Variants in PRRT1B observed in about 807,000 individuals in gnomAD.
PRRT1B encodes dispanin subfamily D member 2.
intron 1 of PRRT1B, among the ~76,000 whole-genome samples, chr9:131,546,596 G>C (rs999357179): frequency 2.0e-5 from 3 of 151,970 alleles, no homozygotes; most frequent in African/African-American, 4.8e-5. Context: ...GCAGCTCCGG[G>C]AGATGCTGGA....
At chr9:131,553,959 C>T (rs912047580) in intron 1 of PRRT1B, among the ~76,000 whole-genome samples, 2 of 152,206 alleles carry the variant, frequency 1.3e-5, no homozygotes, top group Admixed American at 1.3e-4. Flanking sequence ...GGCAGCTGGG[C>T]AGCTTTGAGG....
intron 1 of PRRT1B, among the ~76,000 whole-genome samples, chr9:131,553,768 G>C (rs1162892963): frequency 6.6e-6 from 1 of 152,228 alleles, no homozygotes; most frequent in Non-Finnish European, 1.5e-5. Context: ...ACGCAGGTCA[G>C]GGGAGGCCAC....
exon 4 of PRRT1B, chr9:131,558,436 G>A (rs182477812): frequency 5.1e-5 from 19 of 371,944 alleles, no homozygotes; most frequent in African/African-American, 3.3e-4. Context: ...CTAATCCAAG[G>A]TGTCTCCAGA....
chr9:131,559,474 G>GGGGA (rs1163121246), downstream of PRRT1B, among the ~76,000 whole-genome samples: 1 of 152,166 alleles, frequency 6.6e-6, no homozygotes, highest in East Asian at 1.9e-4. Flanking sequence ...AGAGGAGGAA[G>GGGGA]GGGACCCCCA....
At chr9:131,556,183 C>T (rs775887730) in exon 3 of PRRT1B, 9 of 400,996 alleles carry the variant, frequency 2.2e-5, no homozygotes, top group South Asian at 1.3e-4. Flanking sequence ...GTCTGCTCAC[C>T]GGTCTCATCG....
At position 131,554,589 on chromosome 9, in the gene PRRT1B, AC is replaced by A; in HGVS notation, c.63del (p.Glu22ArgfsTer169). On this transcript the variant is annotated frameshift_variant, in exon 2 of 4. Transcript: ENST00000636672. LOFTEE classifies it high-confidence loss of function. ...CACGAAAGGGGGCGGCAGCCCCGCC[AC>A]CCCCGAGGACCCCCGGAGCCCCGCG... is the stretch of plus-strand genomic sequence containing the variant. 2.6e-6 allele frequency: 1 copy of A among 391,946 alleles called. No individual in the cohort carries two copies. The highest frequency in any genetic ancestry group is 4.5e-6 in the Non-Finnish European group (1 of 222,406). The allele number at this position is 391,946 out of a possible 1,614,324, so 24.3% of individuals were successfully genotyped here.
chr9:131,559,718 A>G (rs1264289665), downstream of PRRT1B, among the ~76,000 whole-genome samples: 1 of 152,182 alleles, frequency 6.6e-6, no homozygotes, highest in Non-Finnish European at 1.5e-5. Context: ...ATTTCTAATA[A>G]GCTTCCCAGT....
intron 1 of PRRT1B, among the ~76,000 whole-genome samples, chr9:131,550,646 G>A (rs1466192157): frequency 2.0e-5 from 3 of 152,116 alleles, no homozygotes; most frequent in Admixed American, 6.6e-5. Context: ...TGCAAGAGTC[G>A]GGACTGCGCC....
intron 1 of PRRT1B, among the ~76,000 whole-genome samples, chr9:131,549,301 G>T (rs747949307): frequency 1.3e-5 from 2 of 152,196 alleles, no homozygotes; most frequent in Non-Finnish European, 2.9e-5. Flanking sequence ...AACTTCAAAC[G>T]CCTGAACCGC....
At chr9:131,545,938 C>A (rs1014259122) in intron 1 of PRRT1B, among the ~76,000 whole-genome samples, 11 of 151,818 alleles carry the variant, frequency 7.2e-5, no homozygotes, top group Admixed American at 7.2e-4. Flanking sequence ...GGCTGTGGTG[C>A]CCCGGAGGCC....
intron 3 of PRRT1B, 119 bp downstream of exon 3, chr9:131,556,332 G>C: frequency 2.5e-6 from 1 of 397,544 alleles, no homozygotes; most frequent in Non-Finnish European, 4.4e-6. Context: ...CCTCTGGAGG[G>C]GGGTGGGAAT....
At chr9:131,550,912 T>C (rs1951006577) in intron 1 of PRRT1B, among the ~76,000 whole-genome samples, 1 of 150,944 alleles carries the variant, frequency 6.6e-6, no homozygotes, top group South Asian at 2.1e-4. Context: ...GTGTCTTCCG[T>C]TTAGTTTTTC....
intron 1 of PRRT1B, among the ~76,000 whole-genome samples, chr9:131,553,841 G>C (rs1342991009): frequency 2.0e-5 from 3 of 152,192 alleles, no homozygotes; most frequent in African/African-American, 7.2e-5. Flanking sequence ...TGCTCAGCTG[G>C]TCGGGATGCT....
intron 1 of PRRT1B, among the ~76,000 whole-genome samples, chr9:131,553,238 G>T (rs1224016478): frequency 7.2e-5 from 11 of 152,130 alleles, no homozygotes; most frequent in African/African-American, 2.7e-4. Flanking sequence ...TCTCTGGGAC[G>T]CTTTCTCATC....
chr9:131,556,199 G>A (rs1479666317), exon 3 of PRRT1B: 5 of 400,938 alleles, frequency 1.2e-5, no homozygotes, highest in East Asian at 1.1e-4. Flanking sequence ...CATCGCCATC[G>A]TCTACTCCCA....
chr9:131,550,111 G>A (rs532258679), intron 1 of PRRT1B, among the ~76,000 whole-genome samples: 6 of 152,130 alleles, frequency 3.9e-5, no homozygotes, highest in Non-Finnish European at 8.8e-5. Context: ...TCACTCGCCT[G>A]CTACAGCATG....
chr9:131,557,363 AC>A lies in PRRT1B; in HGVS notation c.643-686del, dbSNP rs1951057268. On this transcript the variant is annotated intron_variant, in intron 3 of 3. Coordinates refer to ENST00000636672, the Ensembl canonical transcript of PRRT1B. The stretch of plus-strand genomic sequence containing the variant: ...AGATCAGCCTGACCAATATGGTGAA[AC>A]CCCGTCTCTACTAAAAATACAAAAA... 1.3e-5 allele frequency among the ~76,000 whole-genome samples: 2 copies of A among 151,986 alleles called. 1 individual carries two copies. The highest frequency in any genetic ancestry group is 4.2e-4 in the South Asian group (2 of 4,818).
At chr9:131,548,427 C>T (rs1950989387) in intron 1 of PRRT1B, among the ~76,000 whole-genome samples, 3 of 152,196 alleles carry the variant, frequency 2.0e-5, no homozygotes, top group Non-Finnish European at 4.4e-5. Flanking sequence ...TGCAACACCG[C>T]TTGACCCCAA....
At chr9:131,554,250 C>A (rs939801040) in intron 1 of PRRT1B, among the ~76,000 whole-genome samples, 2 of 150,894 alleles carry the variant, frequency 1.3e-5, no homozygotes, top group South Asian at 4.2e-4. Flanking sequence ...TTAGCTTTGA[C>A]ATAAAGGCCT....
Sources: allele counts gnomAD v4.1 joint callset (sites outside exome capture counted in the v4.1 genomes callset), GRCh38; gene constraint gnomAD v4.1.1; transcripts MANE v1.5; gene names NCBI Gene and HGNC (gene_info 2026-07-23, HGNC 2026-07-21).